Variants in ATP8B1 observed in about 807,000 individuals in gnomAD.
The protein encoded by ATP8B1 is phospholipid-transporting ATPase IC.
ATP8B1 carries 80 observed loss-of-function variants against 149.9 expected under a neutral mutation model. That is an observed-to-expected ratio of 0.53 (90% CI 0.45 to 0.64). ATP8B1 has a LOEUF of 0.64. Among genes scored for constraint, ATP8B1 ranks in the 30% least tolerant of loss-of-function variants. The pLI is 0.00. For synonymous variants in ATP8B1, 536 were observed against 562.8 expected (o/e 0.95, Z 0.67); for missense variants, 1,247 against 1,552.6 (o/e 0.80, Z 3.31).
At chr18:57,674,100 G>A (rs1383027859) in intron 16 of ATP8B1, among the ~76,000 whole-genome samples, 3 of 151,936 alleles carry the variant, frequency 2.0e-5, no homozygotes, top group African/African-American at 4.8e-5. Context: ...GGCAGCCCAC[G>A]TGGTTAAAGA....
At chr18:57,799,569 C>G (rs1244768817) in intron 1 of ATP8B1, among the ~76,000 whole-genome samples, 1 of 151,930 alleles carries the variant, frequency 6.6e-6, no homozygotes, top group Non-Finnish European at 1.5e-5. Flanking sequence ...ATTAGCTGAG[C>G]ATGGTGGCAC....
chr18:57,648,549 G>A lies in ATP8B1; in HGVS notation c.3695C>T (p.Ser1232Leu), dbSNP rs778749552. The A allele has an allele frequency of 6.2e-7, 1 of 1,611,578 alleles. No homozygotes were observed. The highest frequency in any genetic ancestry group is 8.5e-7 in the Non-Finnish European group (1 of 1,179,978). ...SSGRSIRKKR[S>L]PLDAIVADGT... ...ATCCGCCACGATGGCATCAAGCGGC[G>A]AGCGCTTCTTGCGGATGCTGCGCCC... The change falls in exon 28 of 28, where the codon TCG becomes TTG. Residue 1232 changes from serine to leucine, a missense_variant. Coordinates refer to ENST00000648908, the MANE Select transcript of ATP8B1 (RefSeq NM_001374385.1).
chr18:57,653,672 C>A (rs1001514707), intron 24 of ATP8B1, among the ~76,000 whole-genome samples: 3 of 138,340 alleles, frequency 2.2e-5, no homozygotes, highest in Non-Finnish European at 3.1e-5. Context: ...TCACAGAAAT[C>A]CTCTTTTCTC....
intron 1 of ATP8B1, among the ~76,000 whole-genome samples, chr18:57,773,238 C>A (rs2080279643): frequency 6.7e-6 from 1 of 149,440 alleles, no homozygotes; most frequent in Non-Finnish European, 1.5e-5. Context: ...GAAATGATAA[C>A]CCTGACCAAG....
rs950485242 is a variant in ATP8B1, at chr18:57,707,986, G to A, written c.182-1399C>T. On this transcript the variant is annotated intron_variant, in intron 2 of 27. Transcript: ENST00000648908. ...AGCCTGGCCAACATGGTGAAACCCCGTCTCTACTAAAAACACAAAAAAGTA... is the reference window on the plus strand; with the variant it reads ...AGCCTGGCCAACATGGTGAAACCCCATCTCTACTAAAAACACAAAAAAGTA... Among the ~76,000 whole-genome samples the A allele has an allele frequency of 6.0e-5, 9 of 150,684 alleles. No individual in the cohort carries two copies. In the South Asian group the frequency reaches 1.1e-3, roughly 18 times the overall value.
At chr18:57,724,360 G>A (rs1383105106) in intron 2 of ATP8B1, among the ~76,000 whole-genome samples, 17 of 146,058 alleles carry the variant, frequency 1.2e-4, no homozygotes, top group Admixed American at 2.8e-4. Flanking sequence ...ATCTGACAAA[G>A]GGCTAATATC....
At chr18:57,767,879 C>T (rs967381905) in intron 1 of ATP8B1, among the ~76,000 whole-genome samples, 1 of 152,144 alleles carries the variant, frequency 6.6e-6, no homozygotes, top group South Asian at 2.1e-4. Flanking sequence ...AGGATTAGAT[C>T]TAAGACTTGC....
intron 7 of ATP8B1, 46 bp downstream of exon 7, chr18:57,697,749 G>A (rs756513203): frequency 6.2e-7 from 1 of 1,611,120 alleles, no homozygotes; most frequent in Admixed American, 1.7e-5. Flanking sequence ...GAGCACAGGG[G>A]CTGGGGGAGA....
chr18:57,689,276 A>G (rs1464452100), intron 12 of ATP8B1, among the ~76,000 whole-genome samples: 1 of 152,146 alleles, frequency 6.6e-6, no homozygotes, highest in African/African-American at 2.4e-5. Context: ...AGAGGGAGTG[A>G]GAGTACCCTA....
Position 57,650,370 on chromosome 18 carries a change from A to G in ATP8B1, c.3528T>C (p.Asp1176=), listed in dbSNP as rs779114188. 2 of 1,613,222 alleles carry G rather than the reference A, an allele frequency of 1.2e-6. No individual in the cohort carries two copies. Among genetic ancestry groups the G allele is most frequent in the Non-Finnish European group, 1.7e-6 (2 of 1,179,438 alleles). ...GAAAGGACTATATTCTTTATACCTT[A>G]TCACTTTCTGATGGCCAGATGGTCA... ...LSMTIWPSES[D]KIQKHRKRLK... The change falls in exon 27 of 28, where the codon GAT becomes GAC. Residue 1176 remains aspartate, a synonymous_variant. Transcript: ENST00000648908.
chr18:57,707,121 G>A (rs915619777), intron 2 of ATP8B1, among the ~76,000 whole-genome samples: 6 of 152,064 alleles, frequency 3.9e-5, no homozygotes, highest in Non-Finnish European at 8.8e-5. Flanking sequence ...CCTGGCCAAG[G>A]TGGTGAAACC....
chr18:57,724,603 AGGT>A (rs1157361707), intron 2 of ATP8B1, among the ~76,000 whole-genome samples: 2 of 151,028 alleles, frequency 1.3e-5, no homozygotes, highest in Non-Finnish European at 3.0e-5. Flanking sequence ...AGGAAACAAC[AGGT>A]GCTGGAGAGG....
At position 57,752,207 on chromosome 18, in the gene ATP8B1, A is replaced by AGATAATAATAATAAT. The variant is rs2080027942; in HGVS notation, c.-25-20376_-25-20375insATTATTATTATTATC. On this transcript the variant is annotated intron_variant, in intron 1 of 27. Transcript: ENST00000648908. ...GGGCAATAGAGTGAGACCCTGTCTC[A>AGATAATAATAATAAT]AATAATAATAATAATAATGATAATA... Among the ~76,000 whole-genome samples, 5 of 138,330 alleles carry AGATAATAATAATAAT rather than the reference A, an allele frequency of 3.6e-5. No homozygotes were observed. In the South Asian group the frequency reaches 1.2e-3, roughly 34 times the overall value. The allele number at this position is 138,330 out of a possible 152,430, so 90.7% of individuals were successfully genotyped here.
chr18:57,709,949 G>A (rs1043992722), intron 2 of ATP8B1, among the ~76,000 whole-genome samples: 1 of 151,668 alleles, frequency 6.6e-6, no homozygotes, highest in African/African-American at 2.4e-5. Context: ...CAAAGTGCTG[G>A]GATTACAGGC....
Position 57,648,484 on chromosome 18 carries a change from G to A in ATP8B1, c.*4C>T, listed in dbSNP as rs760856002. 6.2e-7 allele frequency: 1 copy of A among 1,611,148 alleles called. No individual in the cohort carries two copies. The highest frequency in any genetic ancestry group is 8.5e-7 in the Non-Finnish European group (1 of 1,179,980). ...TGGCCGCATCCCAGCCTGGGGGTAAGGGATCAGCTGTCCCCGGTGCGCCTG... is the reference window on the plus strand; with the variant it reads ...TGGCCGCATCCCAGCCTGGGGGTAAAGGATCAGCTGTCCCCGGTGCGCCTG... On this transcript the variant is annotated 3_prime_UTR_variant, in exon 28 of 28. Coordinates refer to ENST00000648908, the MANE Select transcript of ATP8B1 (RefSeq NM_001374385.1).
chr18:57,663,066 T>C (rs1438114177), intron 20 of ATP8B1, among the ~76,000 whole-genome samples: 8 of 152,166 alleles, frequency 5.3e-5, no homozygotes, highest in African/African-American at 1.9e-4. Context: ...GGAAACTCTA[T>C]ACCTATTAAA....
chr18:57,655,682 A>T (rs1198744226), intron 22 of ATP8B1, among the ~76,000 whole-genome samples: 1 of 152,186 alleles, frequency 6.6e-6, no homozygotes, highest in Non-Finnish European at 1.5e-5. Flanking sequence ...TTCCATTTGG[A>T]TTATCTGCCA....
intron 1 of ATP8B1, among the ~76,000 whole-genome samples, chr18:57,762,790 C>T (rs993549911): frequency 6.6e-6 from 1 of 152,178 alleles, no homozygotes; most frequent in Non-Finnish European, 1.5e-5. Context: ...TACAGCAATA[C>T]TCTCTGTTAC....
At chr18:57,738,277 A>G (rs1230404686) in intron 1 of ATP8B1, among the ~76,000 whole-genome samples, 1 of 152,238 alleles carries the variant, frequency 6.6e-6, no homozygotes, top group Non-Finnish European at 1.5e-5. Context: ...CAGGGAACAG[A>G]GCTACTGACT....
Sources: gnomAD v4.1 joint callset for allele counts (sites outside exome capture counted in the v4.1 genomes callset) on GRCh38, gnomAD v4.1.1 for gene constraint, MANE v1.5 for transcripts, NCBI Gene and HGNC (gene_info 2026-07-23, HGNC 2026-07-21) for gene names.